Variants in LCLAT1 observed in about 807,000 individuals in gnomAD.
LCLAT1 encodes the protein 1-AGP acyltransferase 8.
A neutral mutation model predicts 30.7 loss-of-function variants in LCLAT1; 11 were observed. That is an observed-to-expected ratio of 0.36 (90% confidence interval 0.23 to 0.59). The LOEUF (loss-of-function observed/expected upper bound fraction) is 0.59, where lower values mean the gene tolerates loss of function less well. LCLAT1 is among the 20% of genes least tolerant of loss of function. The probability of loss-of-function intolerance (pLI) is 0.77; values close to 1 mark genes in which losing one functional copy is unlikely to be tolerated. For synonymous variants in LCLAT1, 155 were observed against 151.3 expected, an observed-to-expected ratio of 1.02 and a Z score of -0.18; for missense variants, 402 against 458.6, an observed-to-expected ratio of 0.88 and a Z score of 1.13.
At chr2:30,450,572 T>C (rs1681496379) in intron 1 of LCLAT1, among the ~76,000 whole-genome samples, 1 of 152,240 alleles carries the variant, frequency 6.6e-6, no homozygotes, top group African/African-American at 2.4e-5. Flanking sequence ...CATTGTAATA[T>C]GGAAGTAATC....
At chr2:30,504,731 C>A (rs1684574532) in intron 1 of LCLAT1, among the ~76,000 whole-genome samples, 1 of 152,038 alleles carries the variant, frequency 6.6e-6, no homozygotes, top group Admixed American at 6.6e-5. Context: ...TTCCTTTTAA[C>A]CCTATAAGTA....
Position 30,449,673 on chromosome 2 carries a change from T to A in LCLAT1, c.-5+2290T>A, listed in dbSNP as rs192534267. ...GTGCCACTACGCCTGGCTAATTTTGTATTGTTAGTAGAGACGGGGTTTCTC... is the reference window on the plus strand; with the variant it reads ...GTGCCACTACGCCTGGCTAATTTTGAATTGTTAGTAGAGACGGGGTTTCTC... On this transcript the variant is annotated intron_variant, in intron 1 of 5. Coordinates refer to ENST00000379509, the MANE Select transcript of LCLAT1 (RefSeq NM_001002257.3). Among the ~76,000 whole-genome samples the A allele has an allele frequency of 6.5e-3, 992 of 152,136 alleles. 9 individuals carry two copies. The highest frequency in any genetic ancestry group is 0.01 in the Non-Finnish European group (703 of 68,004).
intron 1 of LCLAT1, among the ~76,000 whole-genome samples, chr2:30,466,165 T>C (rs1021429566): frequency 6.6e-6 from 1 of 152,114 alleles, no homozygotes; most frequent in East Asian, 1.9e-4. Flanking sequence ...GTTAGGACTT[T>C]GTAAATTTTT....
At chr2:30,503,282 T>C (rs1023760392) in intron 1 of LCLAT1, among the ~76,000 whole-genome samples, 6 of 152,182 alleles carry the variant, frequency 3.9e-5, no homozygotes, top group East Asian at 3.9e-4. Flanking sequence ...AGATCCTGTT[T>C]TGGCCAGTAG....
intron 3 of LCLAT1, among the ~76,000 whole-genome samples, chr2:30,537,134 C>G (rs1224710065): frequency 6.6e-6 from 1 of 152,190 alleles, no homozygotes; most frequent in Non-Finnish European, 1.5e-5. Context: ...GTAATCCCAG[C>G]ACTTTGGGAG....
chr2:30,523,136 A>G lies in LCLAT1; in HGVS notation c.-4-2451A>G, dbSNP rs77850302. Among the ~76,000 whole-genome samples the G allele has an allele frequency of 6.7e-3, 1,012 of 151,038 alleles. 10 individuals are homozygous for G. The highest frequency in any genetic ancestry group is 0.023 in the African/African-American group (960 of 41,140). On this transcript the variant is annotated intron_variant, in intron 1 of 5. Transcript: ENST00000379509. The stretch of plus-strand genomic sequence containing the variant: ...GAGCTAGCTAATCACTAATTGGCAG[A>G]AAAAAAAACAGTAGATAGAAAACGG...
intron 5 of LCLAT1, among the ~76,000 whole-genome samples, chr2:30,627,133 C>T (rs1270706090): frequency 6.6e-6 from 1 of 152,136 alleles, no homozygotes; most frequent in Admixed American, 6.5e-5. Flanking sequence ...GCACAAAGAA[C>T]AGCAAAAGTG....
At chr2:30,589,443 C>T (rs576613526) in intron 5 of LCLAT1, among the ~76,000 whole-genome samples, 1 of 150,438 alleles carries the variant, frequency 6.6e-6, no homozygotes, top group South Asian at 2.1e-4. Context: ...AGGAGAGTGA[C>T]TGAAGGATGT....
At chr2:30,548,237 T>G (rs1664515887) in intron 3 of LCLAT1, among the ~76,000 whole-genome samples, 2 of 152,180 alleles carry the variant, frequency 1.3e-5, no homozygotes, top group East Asian at 1.9e-4. Context: ...GTAAAATATT[T>G]GAAGAGATTT....
chr2:30,522,380 A>AT (rs892350341), intron 1 of LCLAT1, among the ~76,000 whole-genome samples: 20 of 149,060 alleles, frequency 1.3e-4, no homozygotes, highest in East Asian at 3.9e-4. Context: ...TTGTTTTAAA[A>AT]TTTTTTTTTT....
chr2:30,531,190 G>A (rs796180492), intron 2 of LCLAT1, among the ~76,000 whole-genome samples: 11 of 152,168 alleles, frequency 7.2e-5, no homozygotes, highest in African/African-American at 2.4e-4. Flanking sequence ...ACTTGAACCC[G>A]GGAGGCAGAG....
intron 1 of LCLAT1, among the ~76,000 whole-genome samples, chr2:30,521,689 T>C (rs1685485135): frequency 6.6e-6 from 1 of 151,722 alleles, no homozygotes; most frequent in African/African-American, 2.4e-5. Context: ...GTATTTTTAG[T>C]AGAGATGGGG....
At position 30,640,094 on chromosome 2, in the gene LCLAT1, G is replaced by C. The variant is rs751174509; in HGVS notation, c.629-23G>C. 49 of 1,588,248 alleles carry C rather than the reference G, an allele frequency of 3.1e-5. No homozygotes were observed. The Admixed American group carries it at 8.6e-4, about 28-fold the overall frequency. ...CCAAATTGAGCACTGCTTAATCTAT[G>C]TTTTCATCTTTTCGAAACCCAGGTA... On this transcript the variant is annotated intron_variant, in intron 5 of 5. Transcript: ENST00000379509.
chr2:30,558,411 C>G (rs2148435273), intron 3 of LCLAT1, among the ~76,000 whole-genome samples: 1 of 152,032 alleles, frequency 6.6e-6, no homozygotes, highest in East Asian at 1.9e-4. Flanking sequence ...ACCAGCCTGG[C>G]CAACATGGCA....
intron 1 of LCLAT1, among the ~76,000 whole-genome samples, chr2:30,451,453 G>A (rs1037487739): frequency 1.4e-4 from 22 of 152,206 alleles, no homozygotes; most frequent in African/African-American, 5.3e-4. Context: ...GTTAAAGAAT[G>A]TTTATAGTGC....
intron 1 of LCLAT1, among the ~76,000 whole-genome samples, chr2:30,504,402 C>T (rs1397791453): frequency 1.3e-5 from 2 of 152,068 alleles, no homozygotes; most frequent in Non-Finnish European, 2.9e-5. Context: ...AAATGCTACT[C>T]AGTAAACCAA....
At position 30,458,043 on chromosome 2, in the gene LCLAT1, T is replaced by TA. The variant is rs749000081; in HGVS notation, c.-5+10673dup. Among the ~76,000 whole-genome samples, 722 of 142,808 alleles carry TA rather than the reference T, an allele frequency of 5.1e-3. 2 individuals carry two copies. The highest frequency in any genetic ancestry group is 0.012 in the African/African-American group (461 of 39,080). The allele number at this position is 142,808 out of a possible 152,430, so 93.7% of individuals were successfully genotyped here. ...TTCCTGAGACTTCATTTCATATTGT[T>TA]AAAAAAAAAAAAAGAGGCAACTTTT... is the stretch of plus-strand genomic sequence containing the variant. On this transcript the variant is annotated intron_variant, in intron 1 of 5. Coordinates refer to ENST00000379509, the MANE Select transcript of LCLAT1 (RefSeq NM_001002257.3).
chr2:30,455,117 A>G (rs1429836628), intron 1 of LCLAT1, among the ~76,000 whole-genome samples: 1 of 148,690 alleles, frequency 6.7e-6, no homozygotes, highest in Non-Finnish European at 1.5e-5. Flanking sequence ...ATAATTGGAT[A>G]TAATTTCTAA....
chr2:30,640,646 C>T lies in LCLAT1; in HGVS notation c.*27C>T. The T allele has an allele frequency of 6.5e-7, 1 of 1,545,734 alleles. No individual in the cohort carries two copies. The highest frequency in any genetic ancestry group is 8.7e-7 in the Non-Finnish European group (1 of 1,151,438). On this transcript the variant is annotated 3_prime_UTR_variant, in exon 6 of 6. Coordinates refer to ENST00000379509, the MANE Select transcript of LCLAT1 (RefSeq NM_001002257.3). Reference sequence around the variant, plus strand: ...ATTATAAGGTTTGCCATGTGAAAACCTAGAGCATATTTTGGAAATGTTCTA... The same window carrying T: ...ATTATAAGGTTTGCCATGTGAAAACTTAGAGCATATTTTGGAAATGTTCTA...
Sources: allele counts gnomAD v4.1 joint callset (sites outside exome capture counted in the v4.1 genomes callset), GRCh38; gene constraint gnomAD v4.1.1; transcripts MANE v1.5; gene names NCBI Gene and HGNC (gene_info 2026-07-23, HGNC 2026-07-21).